C2orf42: variants seen among roughly 807,000 people sequenced by gnomAD.
C2orf42 encodes uncharacterized protein C2orf42.
In C2orf42, 44 loss-of-function variants were observed where a neutral mutation model predicts 58.9. That is an observed-to-expected ratio of 0.75 (90% CI 0.59 to 0.96). The LOEUF (loss-of-function observed/expected upper bound fraction) is 0.96. Ranked by LOEUF, C2orf42 falls within the 40% of genes least tolerant of loss-of-function variation. The pLI is 0.00. For synonymous variants in C2orf42, 239 were observed against 265.4 expected (o/e 0.90, Z 0.97); for missense variants, 630 against 699.2 (o/e 0.90, Z 1.12).
At chr2:70,170,096 C>A (rs1481395263) in intron 5 of C2orf42, among the ~76,000 whole-genome samples, 3 of 151,276 alleles carry the variant, frequency 2.0e-5, no homozygotes, top group East Asian at 3.9e-4. Context: ...TCATGTTGCC[C>A]AGCTGGCTTC....
At chr2:70,176,086 G>A (rs995406561) in intron 4 of C2orf42, among the ~76,000 whole-genome samples, 5 of 152,034 alleles carry the variant, frequency 3.3e-5, no homozygotes, top group African/African-American at 1.2e-4. Context: ...ATATGTTATT[G>A]GTTTTGTGAT....
chr2:70,151,609 G>A (rs986466450), intron 9 of C2orf42, among the ~76,000 whole-genome samples: 4 of 151,414 alleles, frequency 2.6e-5, no homozygotes, highest in African/African-American at 9.7e-5. Context: ...ACTCCACCCT[G>A]GGCAACAGAG....
At chr2:70,174,559 A>G (rs1364020874) in intron 5 of C2orf42, among the ~76,000 whole-genome samples, 1 of 152,166 alleles carries the variant, frequency 6.6e-6, no homozygotes, top group Non-Finnish European at 1.5e-5. Context: ...ATGCAATTTT[A>G]GGGCATGTGT....
chr2:70,153,919 G>A (rs1324536751), intron 9 of C2orf42, among the ~76,000 whole-genome samples: 30 of 151,394 alleles, frequency 2.0e-4, no homozygotes, highest in African/African-American at 6.8e-4. Context: ...TTAGCTGGGC[G>A]TGGTGGCGGG....
rs1204867191 is a variant in C2orf42, at chr2:70,181,790, T to C, written c.196A>G (p.Ile66Val). 1 of 1,614,130 alleles carries C rather than the reference T, an allele frequency of 6.2e-7. No homozygotes were observed. Among genetic ancestry groups the C allele is most frequent in the Non-Finnish European group, 8.5e-7 (1 of 1,180,008 alleles). The part of the protein sequence containing the change: ...RKQPSVEAVK[I>V]ITGSDLQVYS... ...ACCTGAAGATCAGAGCCTGTAATGA[T>C]TTTGACAGCTTCAACACTAGGCTGC... Residue 66 changes from isoleucine (I) to valine (V), a missense_variant, in exon 3 of 10, where the codon ATC (isoleucine) becomes GTC (valine). Transcript: ENST00000264434.
chr2:70,172,901 T>C (rs780984319), intron 5 of C2orf42, among the ~76,000 whole-genome samples: 9 of 150,962 alleles, frequency 6.0e-5, no homozygotes, highest in Non-Finnish European at 1.0e-4. Flanking sequence ...AGTGGCTAAT[T>C]GCTATAATCC....
chr2:70,161,149 G>T (rs1673028355), intron 8 of C2orf42, among the ~76,000 whole-genome samples: 2 of 151,978 alleles, frequency 1.3e-5, no homozygotes, highest in African/African-American at 2.4e-5. Flanking sequence ...AAATTCCTTT[G>T]TTCATAGCAC....
intron 1 of C2orf42, among the ~76,000 whole-genome samples, chr2:70,185,995 A>G (rs1157083402): frequency 9.3e-6 from 1 of 107,992 alleles, no homozygotes; most frequent in Non-Finnish European, 1.8e-5. Flanking sequence ...CCTAATTGTA[A>G]AAAAAAAAAA....
chr2:70,161,647 C>A (rs968733799), intron 8 of C2orf42, among the ~76,000 whole-genome samples: 15 of 151,902 alleles, frequency 9.9e-5, no homozygotes, highest in Non-Finnish European at 1.3e-4. Flanking sequence ...TTGAGACCAG[C>A]CTGACCAACA....
intron 1 of C2orf42, among the ~76,000 whole-genome samples, chr2:70,185,149 C>G (rs1397270717): frequency 1.3e-5 from 2 of 151,918 alleles, no homozygotes; most frequent in Non-Finnish European, 2.9e-5. Flanking sequence ...GCCTGTAATC[C>G]CACCACTTTG....
At chr2:70,176,483 G>A (rs1257394514) in intron 4 of C2orf42, among the ~76,000 whole-genome samples, 3 of 150,244 alleles carry the variant, frequency 2.0e-5, no homozygotes, top group Non-Finnish European at 2.9e-5. Context: ...CAGCCTGGGC[G>A]ACAGAGCGAG....
chr2:70,169,667 GAA>G lies in C2orf42; in HGVS notation c.1040-8_1040-7del. 1.4e-6 allele frequency: 2 copies of G among 1,439,736 alleles called. No homozygotes were observed. Among genetic ancestry groups the G allele is most frequent in the Non-Finnish European group, 9.7e-7 (1 of 1,032,566 alleles). The allele number at this position is 1,439,736 out of a possible 1,614,324, so 89.2% of individuals were successfully genotyped here. A position where few individuals can be genotyped will look rare whatever the true frequency, so the allele number is the denominator to read the frequency against. ...ATCTAACAGCTGACCACAGGCTAGG[GAA>G]AAAAAAACCACACATACACACTTCT... is the stretch of plus-strand genomic sequence containing the variant. On this transcript the variant is annotated splice_region_variant and splice_polypyrimidine_tract_variant and intron_variant, in intron 5 of 9. Transcript: ENST00000264434.
At chr2:70,164,772 C>T (rs1228228380) in intron 8 of C2orf42, among the ~76,000 whole-genome samples, 1 of 152,138 alleles carries the variant, frequency 6.6e-6, no homozygotes. Flanking sequence ...TACTTTCTAG[C>T]TGCCTGCCAG....
chr2:70,184,577 G>A (rs1192199214), intron 1 of C2orf42, among the ~76,000 whole-genome samples: 1 of 143,490 alleles, frequency 7.0e-6, no homozygotes, highest in East Asian at 2.1e-4. Flanking sequence ...ACCTCCCAAG[G>A]TCAAGCAATC....
intron 5 of C2orf42, among the ~76,000 whole-genome samples, chr2:70,174,436 TG>T (rs1383127670): frequency 6.6e-6 from 1 of 152,224 alleles, no homozygotes; most frequent in Non-Finnish European, 1.5e-5. Context: ...AGTAACATTT[TG>T]TAAAACTATA....
At chr2:70,152,579 GTC>G (rs1672375613) in intron 9 of C2orf42, among the ~76,000 whole-genome samples, 1 of 152,214 alleles carries the variant, frequency 6.6e-6, no homozygotes, top group Non-Finnish European at 1.5e-5. Flanking sequence ...AAAATACTTT[GTC>G]TCTCTCACTG....
At chr2:70,158,164 A>T (rs1456160446) in intron 9 of C2orf42, among the ~76,000 whole-genome samples, 1 of 150,940 alleles carries the variant, frequency 6.6e-6, no homozygotes, top group Non-Finnish European at 1.5e-5. Flanking sequence ...GCACTGCTGC[A>T]CTCCAGCCTG....
At chr2:70,175,553 T>C (rs1674130906) in intron 5 of C2orf42, 120 bp downstream of exon 5, 1 of 732,636 alleles carries the variant, frequency 1.4e-6, no homozygotes, top group African/African-American at 1.7e-5. Flanking sequence ...TCAGCCTCAG[T>C]GCTTCTGTTA....
At chr2:70,174,335 T>C (rs1450838209) in intron 5 of C2orf42, among the ~76,000 whole-genome samples, 1 of 151,978 alleles carries the variant, frequency 6.6e-6, no homozygotes, top group African/African-American at 2.4e-5. Context: ...TAAAAATAAA[T>C]ACAATAAATT....
Sources: gnomAD v4.1 joint callset for allele counts (sites outside exome capture counted in the v4.1 genomes callset) on GRCh38, gnomAD v4.1.1 for gene constraint, MANE v1.5 for transcripts, NCBI Gene and HGNC (gene_info 2026-07-23, HGNC 2026-07-21) for gene names.